Variants in AKAP12 observed in about 807,000 individuals in gnomAD.
AKAP12 encodes the protein A-kinase anchoring protein 12.
Under a neutral mutation model 79.9 loss-of-function variants are expected in AKAP12, and 32 were observed. The ratio of observed to expected loss-of-function variants is 0.40; its 90% CI spans 0.30 to 0.54. The LOEUF (loss-of-function observed/expected upper bound fraction) is 0.54, where lower values mean the gene tolerates loss of function less well. Among genes scored for constraint, AKAP12 ranks in the 20% least tolerant of loss-of-function variants. AKAP12 has a pLI of 0.48. For missense variants in AKAP12, 2,074 were observed against 2,177.0 expected, an observed-to-expected ratio of 0.95 and a Z score of 0.94; for synonymous variants, 808 against 857.0, an observed-to-expected ratio of 0.94 and a Z score of 1.00.
intron 3 of AKAP12, among the ~76,000 whole-genome samples, chr6:151,343,601 T>C (rs2114812470): frequency 6.6e-6 from 1 of 152,212 alleles, no homozygotes; most frequent in South Asian, 2.1e-4. Context: ...CTGGCCAACA[T>C]GGTGAAACCT....
intron 3 of AKAP12, chr6:151,343,826 C>CT (rs1312080118): frequency 2.7e-6 from 1 of 364,222 alleles, no homozygotes; most frequent in Non-Finnish European, 5.2e-6. Flanking sequence ...TGGAAATACA[C>CT]TTAAGGAAGC....
chr6:151,275,625 C>T (rs1362784382), intron 2 of AKAP12, among the ~76,000 whole-genome samples: 1 of 152,148 alleles, frequency 6.6e-6, no homozygotes, highest in Non-Finnish European at 1.5e-5. Flanking sequence ...TACTTTAATA[C>T]ATTTTACATT....
rs1335803210 is a variant in AKAP12, at chr6:151,350,980, G to A, written c.2589G>A (p.Gln863=). 7 of 1,613,972 alleles carry A rather than the reference G, an allele frequency of 4.3e-6. No homozygotes were observed. Among genetic ancestry groups the A allele is most frequent in the Non-Finnish European group, 5.9e-6 (7 of 1,180,026 alleles). ...DAVEREKMEA[Q]QAQKSAEQPE... The stretch of plus-strand genomic sequence containing the variant: ...TAGAAAGGGAGAAAATGGAGGCACA[G>A]CAAGCCCAAAAAAGCGCAGAGCAGC... Residue 863 remains glutamine (Q), a synonymous_variant, in exon 4 of 5, where the codon CAG becomes CAA. Coordinates refer to ENST00000402676, the MANE Select transcript of AKAP12 (RefSeq NM_005100.4). This position sits in a 1 kb window ranked among gnomAD's most constrained non-coding sequence, Gnocchi z 4.8.
chr6:151,261,403 T>C (rs1356383182), intron 2 of AKAP12, among the ~76,000 whole-genome samples: 1 of 151,218 alleles, frequency 6.6e-6, no homozygotes, highest in Admixed American at 6.6e-5. Context: ...TAAAAACCAA[T>C]GGTTTGGCTG....
At chr6:151,334,865 T>C (rs1197814250) in intron 3 of AKAP12, among the ~76,000 whole-genome samples, 1 of 152,060 alleles carries the variant, frequency 6.6e-6, no homozygotes, top group Non-Finnish European at 1.5e-5. Context: ...CCTCGTGATC[T>C]GCCCGCCTCG....
At chr6:151,326,503 A>AAAAAAAAAAAAAAG (rs1777531558) in intron 3 of AKAP12, among the ~76,000 whole-genome samples, 1 of 149,208 alleles carries the variant, frequency 6.7e-6, no homozygotes, top group East Asian at 2.0e-4. Context: ...AAAAAAAAAA[A>AAAAAAAAAAAAAAG]AAAGAAAAAA....
At chr6:151,298,191 C>G (rs1043387227) in intron 2 of AKAP12, among the ~76,000 whole-genome samples, 1 of 152,122 alleles carries the variant, frequency 6.6e-6, no homozygotes, top group African/African-American at 2.4e-5. Context: ...CGGCCCTCGT[C>G]CATTTAGATC....
intron 3 of AKAP12, chr6:151,348,294 C>T: frequency 2.3e-6 from 1 of 442,834 alleles, no homozygotes; most frequent in Non-Finnish European, 4.5e-6. Context: ...CACTGTGCTC[C>T]AGCCTGGGCG....
intron 3 of AKAP12, among the ~76,000 whole-genome samples, chr6:151,340,235 GTTT>G (rs35700566): frequency 3.7e-5 from 5 of 133,634 alleles, no homozygotes; most frequent in African/African-American, 8.2e-5. Context: ...CCCAGCGGTG[GTTT>G]TTTTTTTTTT....
chr6:151,341,843 C>G, intron 3 of AKAP12: 2 of 1,259,894 alleles, frequency 1.6e-6, no homozygotes, highest in South Asian at 2.5e-5. Context: ...GAAAGCCTCT[C>G]TACTGGCCAA....
intron 3 of AKAP12, among the ~76,000 whole-genome samples, chr6:151,312,741 G>A (rs919184115): frequency 1.9e-4 from 28 of 144,402 alleles, no homozygotes; most frequent in African/African-American, 3.2e-4. Flanking sequence ...GTAGTAAGCC[G>A]AGATCGTGCC....
At position 151,325,730 on chromosome 6, in the gene AKAP12, A is replaced by T. The variant is rs1777507599; in HGVS notation, c.319+19827A>T. The T allele has an allele frequency of 1.0e-5, 16 of 1,534,724 alleles. No individual in the cohort carries two copies. In the South Asian group the frequency reaches 1.8e-4, roughly 18 times the overall value. On this transcript the variant is annotated intron_variant, in intron 3 of 4. Transcript: ENST00000402676. ...CTCCGGTTCTCCCCCATCCTCCGGGAGTGTCTGGGCGCTCAGTCCGCTCTG... is the reference window on the plus strand; with the variant it reads ...CTCCGGTTCTCCCCCATCCTCCGGGTGTGTCTGGGCGCTCAGTCCGCTCTG...
At chr6:151,253,377 T>C (rs1334508021) in intron 2 of AKAP12, among the ~76,000 whole-genome samples, 2 of 152,226 alleles carry the variant, frequency 1.3e-5, no homozygotes, top group Non-Finnish European at 2.9e-5. Context: ...AAAAGTCTTT[T>C]GTTCGTTTTA....
At position 151,349,619 on chromosome 6, in the gene AKAP12, G is replaced by A; in HGVS notation, c.1228G>A (p.Val410Ile). 1 of 1,611,232 alleles carries A rather than the reference G, an allele frequency of 6.2e-7. No homozygotes were observed. Among genetic ancestry groups the A allele is most frequent in the Middle Eastern group, 1.7e-4 (1 of 6,012 alleles). The part of the protein sequence containing the change: ...ATEVFDEKIE[V>I]HQEEVVAEVH... ...AGAAGTGTTTGATGAGAAAATAGAAGTCCACCAAGAAGAGGTTGTGGCCGA... is the reference window on the plus strand; with the variant it reads ...AGAAGTGTTTGATGAGAAAATAGAAATCCACCAAGAAGAGGTTGTGGCCGA... The change falls in exon 4 of 5, where the codon GTC becomes ATC. Residue 410 changes from valine to isoleucine, a missense_variant. Transcript: ENST00000402676.
chr6:151,244,247 G>A (rs1247702158), intron 2 of AKAP12, among the ~76,000 whole-genome samples: 2 of 152,164 alleles, frequency 1.3e-5, no homozygotes, highest in East Asian at 1.9e-4. Flanking sequence ...ACAATTGGCC[G>A]GGTGCGGTGG....
chr6:151,311,669 T>C (rs1001688985), intron 3 of AKAP12, among the ~76,000 whole-genome samples: 1 of 152,204 alleles, frequency 6.6e-6, no homozygotes, highest in Non-Finnish European at 1.5e-5. Flanking sequence ...TACAACACTT[T>C]AGAGAATTTC....
intron 2 of AKAP12, among the ~76,000 whole-genome samples, chr6:151,275,600 CTT>C (rs562566191): frequency 6.6e-6 from 1 of 152,086 alleles, no homozygotes; most frequent in African/African-American, 2.4e-5. Flanking sequence ...CATTGACAGT[CTT>C]TTTTTATCAG....
chr6:151,308,707 T>G (rs1777027897), intron 3 of AKAP12, among the ~76,000 whole-genome samples: 1 of 152,224 alleles, frequency 6.6e-6, no homozygotes, highest in South Asian at 2.1e-4. Context: ...TTAGGTTCTC[T>G]GTGGCAACTT....
At chr6:151,328,253 G>A (rs1402394789) in intron 3 of AKAP12, among the ~76,000 whole-genome samples, 2 of 150,988 alleles carry the variant, frequency 1.3e-5, no homozygotes, top group African/African-American at 2.5e-5. Flanking sequence ...GCGTGAACTC[G>A]GGAGGCAGAG....
Sources: gnomAD v4.1 joint callset for allele counts (sites outside exome capture counted in the v4.1 genomes callset) on GRCh38, gnomAD v4.1.1 for gene constraint, Gnocchi (gnomAD v3.1) non-coding constraint, MANE v1.5 for transcripts, NCBI Gene and HGNC (gene_info 2026-07-23, HGNC 2026-07-21) for gene names.